The following AFAP1L2 variants were observed in gnomAD, a reference collection of about 807,000 sequenced individuals.
The protein encoded by AFAP1L2 is actin filament associated protein 1 like 2.
In AFAP1L2, 46 loss-of-function variants were observed where a neutral mutation model predicts 99.3. The observed-to-expected ratio is 0.46, with a 90% CI of 0.37 to 0.59. The LOEUF (loss-of-function observed/expected upper bound fraction) is 0.59, where lower values mean the gene tolerates loss of function less well. AFAP1L2 is among the 20% of genes least tolerant of loss of function. The probability of loss-of-function intolerance (pLI) is 0.00; values close to 1 mark genes in which losing one functional copy is unlikely to be tolerated. For synonymous variants in AFAP1L2, 397 were observed against 419.1 expected (o/e 0.95, Z 0.64); for missense variants, 959 against 1,034.9 (o/e 0.93, Z 1.01).
intron 1 of AFAP1L2, among the ~76,000 whole-genome samples, chr10:114,363,641 G>C (rs997239684): frequency 2.0e-5 from 3 of 152,226 alleles, no homozygotes; most frequent in African/African-American, 7.2e-5. Context: ...ACAGGTGGCA[G>C]AGTTAAAGTC....
chr10:114,361,767 C>T lies in AFAP1L2; in HGVS notation c.17-21036G>A, dbSNP rs2136571422. The stretch of plus-strand genomic sequence containing the variant: ...ATGGAGCACCTAACATGTGTTAGAC[C>T]CTTAGATTTTGTCACTAAATAAAAT... On this transcript the variant is annotated intron_variant, in intron 1 of 18. Coordinates refer to ENST00000304129, the MANE Select transcript of AFAP1L2 (RefSeq NM_001001936.3). Among the ~76,000 whole-genome samples, 2 of 152,202 alleles carry T rather than the reference C, an allele frequency of 1.3e-5. 1 individual carries two copies. Among genetic ancestry groups the T allele is most frequent in the South Asian group, 4.2e-4 (2 of 4,812 alleles).
At chr10:114,308,604 T>C in intron 8 of AFAP1L2, 87 bp from the exon 9 acceptor site, 1 of 1,235,410 alleles carries the variant, frequency 8.1e-7, no homozygotes. Context: ...AATAGATGGC[T>C]CTTGGTTGTA....
chr10:114,329,208 A>C (rs1390374450), intron 4 of AFAP1L2, among the ~76,000 whole-genome samples: 2 of 152,142 alleles, frequency 1.3e-5, no homozygotes, highest in Non-Finnish European at 2.9e-5. Context: ...CAGGAAGTCT[A>C]CTTCAGAGGG....
intron 5 of AFAP1L2, among the ~76,000 whole-genome samples, chr10:114,322,095 C>T (rs766615417): frequency 1.1e-4 from 17 of 152,312 alleles, no homozygotes; most frequent in Admixed American, 3.3e-4. Flanking sequence ...TCCCTGTACA[C>T]GCTCTCTCTT....
In AFAP1L2 at chr10:114,295,331, T is replaced by C; in HGVS notation, c.*711A>G. The stretch of plus-strand genomic sequence containing the variant: ...GATTTTAAGCATTTTTTCCTATATA[T>C]AATACAGCATCACTTAAAATTTTAT... On this transcript the variant is annotated 3_prime_UTR_variant, in exon 19 of 19. Transcript: ENST00000304129. 1 of 985,396 alleles carries C rather than the reference T, an allele frequency of 1.0e-6. No homozygotes were observed. The highest frequency in any genetic ancestry group is 1.2e-6 in the Non-Finnish European group (1 of 829,474). The allele number at this position is 985,396 out of a possible 1,614,324, so 61.0% of individuals were successfully genotyped here.
In AFAP1L2 at chr10:114,310,359, G is replaced by A; in HGVS notation, c.877C>T (p.Gln293Ter). Residue 293 changes from glutamine (Q) to a stop codon, truncating the protein, a stop_gained, in exon 8 of 19, where the codon CAG becomes TAG. Transcript: ENST00000304129. LOFTEE classifies it high-confidence loss of function. Reference protein sequence around the residue: ...YTPDAQRFNCQKPDIAEKYLS... With the variant: ...YTPDAQRFNC ...CAGGCAGGGCAGAGGCTTACTTTCT[G>A]GCAGTTAAAGCGCTGGGCATCCGGG... The A allele has an allele frequency of 6.2e-7, 1 of 1,613,278 alleles. No individual in the cohort carries two copies. Among genetic ancestry groups the A allele is most frequent in the Middle Eastern group, 1.7e-4 (1 of 6,056 alleles).
In AFAP1L2 at chr10:114,295,627, G is replaced by T; in HGVS notation, c.*415C>A. ...AGTATTGGATAAGAGATGATGGCCA[G>T]GAGTTTAGGTCTTCTCACTCACCAA... On this transcript the variant is annotated 3_prime_UTR_variant, in exon 19 of 19. Transcript: ENST00000304129. 1 of 999,012 alleles carries T rather than the reference G, an allele frequency of 1.0e-6. No homozygotes were observed. The allele number at this position is 999,012 out of a possible 1,614,324, so 61.9% of individuals were successfully genotyped here. A position where few individuals can be genotyped will look rare whatever the true frequency, so the allele number is the denominator to read the frequency against.
chr10:114,397,425 C>T (rs568127794), intron 1 of AFAP1L2, among the ~76,000 whole-genome samples: 84 of 152,318 alleles, frequency 5.5e-4, no homozygotes, highest in Admixed American at 5.2e-4. Flanking sequence ...TGGTAAGTTA[C>T]GATCTGCCAG....
intron 1 of AFAP1L2, among the ~76,000 whole-genome samples, chr10:114,368,463 A>G (rs1212536985): frequency 1.3e-5 from 2 of 152,178 alleles, no homozygotes; most frequent in African/African-American, 4.8e-5. Flanking sequence ...ACCATCACCC[A>G]GGCTGGAATG....
chr10:114,317,848 A>G (rs2044388402), intron 5 of AFAP1L2, among the ~76,000 whole-genome samples: 1 of 152,230 alleles, frequency 6.6e-6, no homozygotes, highest in South Asian at 2.1e-4. Context: ...CAACAGAGTG[A>G]GACAGTCTCA....
At chr10:114,350,109 A>T (rs2050234361) in intron 1 of AFAP1L2, among the ~76,000 whole-genome samples, 3 of 152,134 alleles carry the variant, frequency 2.0e-5, no homozygotes, top group Admixed American at 2.0e-4. Context: ...CAGAATTCCA[A>T]CCCCAGCTTA....
the AFAP1L2 span, among the ~76,000 whole-genome samples, chr10:114,288,691 C>T: frequency 5.3e-5 from 8 of 152,246 alleles, no homozygotes; most frequent in African/African-American, 1.7e-4. Flanking sequence ...TCAGATAGAA[C>T]TTAGACACGT....
intron 7 of AFAP1L2, among the ~76,000 whole-genome samples, chr10:114,312,308 G>T (rs1360988790): frequency 2.0e-5 from 3 of 151,340 alleles, no homozygotes; most frequent in Non-Finnish European, 4.4e-5. Context: ...ATGCATGCAT[G>T]AGCAAAAATG....
At chr10:114,290,389 T>C, downstream of AFAP1L2, 1 of 1,549,794 alleles carries the variant, frequency 6.5e-7, no homozygotes, top group East Asian at 2.4e-5. Context: ...TTGCTCTGTA[T>C]GTGTGAGCCA....
Position 114,295,461 on chromosome 10 carries a change from T to A in AFAP1L2, c.*581A>T. On this transcript the variant is annotated 3_prime_UTR_variant, in exon 19 of 19. Transcript: ENST00000304129. ...CAAATATTTTCCCCATTATTGTTTC[T>A]CAAAACTCATGTCATAGATGGTTTT... The A allele has an allele frequency of 1.0e-6, 1 of 985,638 alleles. No homozygotes were observed. The highest frequency in any genetic ancestry group is 1.2e-6 in the Non-Finnish European group (1 of 829,940). 61.1% of individuals were successfully genotyped at this position (985,638 alleles called of 1,614,324 possible).
intron 1 of AFAP1L2, among the ~76,000 whole-genome samples, chr10:114,394,727 A>G (rs56134533): frequency 0.022 from 3,304 of 152,238 alleles, 120 homozygotes; most frequent in African/African-American, 0.076. Context: ...CACAACTCAC[A>G]CTTGTGTGTG....
At chr10:114,330,445 T>C (rs1157536095) in intron 4 of AFAP1L2, among the ~76,000 whole-genome samples, 1 of 152,208 alleles carries the variant, frequency 6.6e-6, no homozygotes, top group African/African-American at 2.4e-5. Flanking sequence ...GTTCAAATGC[T>C]GACTCTGTCA....
chr10:114,402,018 G>A (rs1291678208), intron 1 of AFAP1L2, among the ~76,000 whole-genome samples: 1 of 152,182 alleles, frequency 6.6e-6, no homozygotes, highest in South Asian at 2.1e-4. Flanking sequence ...ACAGAATGAA[G>A]AGGCATTTAA....
intron 5 of AFAP1L2, 72 bp from the exon 6 acceptor site, chr10:114,315,837 G>GGCAGCAGGCAGGAGCA (rs2044046659): frequency 9.7e-6 from 14 of 1,442,060 alleles, no homozygotes; most frequent in South Asian, 5.1e-5. Flanking sequence ...CGCTGGGGAG[G>GGCAGCAGGCAGGAGCA]GCAGCAGGCA....
Sources: gnomAD v4.1 joint callset for allele counts (sites outside exome capture counted in the v4.1 genomes callset) on GRCh38, gnomAD v4.1.1 for gene constraint, MANE v1.5 for transcripts, NCBI Gene and HGNC (gene_info 2026-07-23, HGNC 2026-07-21) for gene names.